Variants in CAMKMT observed in about 807,000 individuals in gnomAD.
CAMKMT encodes CaM KMT.
CAMKMT carries 53 observed loss-of-function variants against 48.0 expected under a neutral mutation model. The ratio of observed to expected loss-of-function variants is 1.10; its 90% CI spans 0.89 to 1.39. CAMKMT has a LOEUF of 1.39. Among genes scored for constraint, CAMKMT ranks in the 40% most tolerant of loss-of-function variants. The pLI is 0.00. For synonymous variants in CAMKMT, 165 were observed against 152.3 expected, an observed-to-expected ratio of 1.08 and a Z score of -0.61; for missense variants, 428 against 402.7, an observed-to-expected ratio of 1.06 and a Z score of -0.54.
intron 3 of CAMKMT, among the ~76,000 whole-genome samples, chr2:44,625,829 G>C (rs1183081278): frequency 6.6e-6 from 1 of 152,018 alleles, no homozygotes; most frequent in Non-Finnish European, 1.5e-5. Flanking sequence ...TAAATGTCCA[G>C]ATCTCTTACT....
At chr2:44,608,713 T>G (rs571095707) in intron 3 of CAMKMT, among the ~76,000 whole-genome samples, 1 of 152,304 alleles carries the variant, frequency 6.6e-6, no homozygotes, top group Non-Finnish European at 1.5e-5. Flanking sequence ...TCCACTGTAT[T>G]TGGCTGATAT....
chr2:44,715,596 T>G (rs1678134935), intron 7 of CAMKMT, among the ~76,000 whole-genome samples: 1 of 152,028 alleles, frequency 6.6e-6, no homozygotes, highest in Admixed American at 6.6e-5. Flanking sequence ...AAACACTGGG[T>G]TGGGGATGAT....
intron 1 of CAMKMT, among the ~76,000 whole-genome samples, chr2:44,370,783 A>T (rs1460954913): frequency 6.6e-6 from 1 of 151,954 alleles, no homozygotes; most frequent in Admixed American, 6.6e-5. Context: ...ATGTATTTCT[A>T]TTGTCATTCA....
intron 1 of CAMKMT, among the ~76,000 whole-genome samples, chr2:44,363,968 G>A (rs1282843730): frequency 6.7e-6 from 1 of 150,188 alleles, no homozygotes; most frequent in East Asian, 2.0e-4. Context: ...GGGATTACAG[G>A]TATCAGCCAC....
At chr2:44,457,401 C>CT (rs200637467) in intron 3 of CAMKMT, 3,874 of 141,378 alleles carry the variant, frequency 0.027, 129 homozygotes, top group African/African-American at 0.069. Context: ...TTCTTTCTCT[C>CT]TTTTTTTTTT....
At chr2:44,616,478 G>A (rs1380315787) in intron 3 of CAMKMT, among the ~76,000 whole-genome samples, 2 of 151,892 alleles carry the variant, frequency 1.3e-5, no homozygotes, top group African/African-American at 2.4e-5. Flanking sequence ...TGATTTAGAT[G>A]ACTTAAAAGC....
At position 44,763,298 on chromosome 2, in the gene CAMKMT, C is replaced by G. The variant is rs534525348; in HGVS notation, c.763-3132C>G. Among the ~76,000 whole-genome samples the G allele has an allele frequency of 5.8e-4, 89 of 152,316 alleles. 1 individual carries two copies. The highest frequency in any genetic ancestry group is 1.0e-3 in the Non-Finnish European group (70 of 68,036). Reference sequence around the variant, plus strand: ...TCTTTCTCGTGGGTACAGTGTTGTGCACAGAATGCTGCTCTCTAAAACCCC... The same window carrying G: ...TCTTTCTCGTGGGTACAGTGTTGTGGACAGAATGCTGCTCTCTAAAACCCC... On this transcript the variant is annotated intron_variant, in intron 9 of 10. Coordinates refer to ENST00000378494, the MANE Select transcript of CAMKMT (RefSeq NM_024766.5).
chr2:44,646,733 C>T (rs1334253834), intron 3 of CAMKMT, among the ~76,000 whole-genome samples: 2 of 152,106 alleles, frequency 1.3e-5, no homozygotes, highest in African/African-American at 4.8e-5. Context: ...ATTCAAATTG[C>T]TTCAAAGAAA....
chr2:44,530,541 C>G (rs979545884), intron 3 of CAMKMT, among the ~76,000 whole-genome samples: 4 of 152,094 alleles, frequency 2.6e-5, no homozygotes, highest in Admixed American at 1.3e-4. Flanking sequence ...GTGAATGATC[C>G]TAACAGCACT....
chr2:44,391,423 T>C (rs1223877446), intron 3 of CAMKMT, among the ~76,000 whole-genome samples: 1 of 152,182 alleles, frequency 6.6e-6, no homozygotes, highest in Non-Finnish European at 1.5e-5. Context: ...CCTTTTAGTT[T>C]TTCCATGTTG....
chr2:44,769,229 T>C (rs1490453216), intron 10 of CAMKMT, among the ~76,000 whole-genome samples: 1 of 152,144 alleles, frequency 6.6e-6, no homozygotes, highest in East Asian at 1.9e-4. Flanking sequence ...TTTTCACCTC[T>C]CATTGTTAAC....
At chr2:44,400,982 GTTAAC>G (rs1431647950) in intron 3 of CAMKMT, 1 of 140,408 alleles carries the variant, frequency 7.1e-6, no homozygotes, top group Admixed American at 7.3e-5. Flanking sequence ...AAAATACATA[GTTAAC>G]TTGTTCTTCA....
intron 3 of CAMKMT, chr2:44,631,447 G>A (rs3106840): frequency 0.2 from 117,703 of 577,820 alleles, 12,665 homozygotes; most frequent in African/African-American, 0.23. Context: ...AAATCAAAGA[G>A]TTTAAATAAG....
At chr2:44,474,459 A>T (rs770475157) in intron 3 of CAMKMT, among the ~76,000 whole-genome samples, 1 of 151,980 alleles carries the variant, frequency 6.6e-6, no homozygotes, top group South Asian at 2.1e-4. Context: ...AAAAAAAAAA[A>T]AAAAGAAAAA....
At chr2:44,431,084 G>A (rs1684621035) in intron 3 of CAMKMT, among the ~76,000 whole-genome samples, 1 of 152,148 alleles carries the variant, frequency 6.6e-6, no homozygotes, top group Non-Finnish European at 1.5e-5. Flanking sequence ...CAGGATAAAA[G>A]TGAGAATAAT....
chr2:44,389,381 A>C (rs1180271793), intron 2 of CAMKMT, among the ~76,000 whole-genome samples: 2 of 152,200 alleles, frequency 1.3e-5, no homozygotes, highest in East Asian at 3.9e-4. Flanking sequence ...TGGGAGGCAC[A>C]CTTCAGTCCG....
At chr2:44,460,502 A>G (rs1470935048) in intron 3 of CAMKMT, among the ~76,000 whole-genome samples, 1 of 152,134 alleles carries the variant, frequency 6.6e-6, no homozygotes, top group Admixed American at 6.5e-5. Context: ...TTGCAAACTT[A>G]TCAAAAACAG....
chr2:44,620,943 A>T (rs1469786692), intron 3 of CAMKMT, among the ~76,000 whole-genome samples: 5 of 152,206 alleles, frequency 3.3e-5, no homozygotes, highest in Non-Finnish European at 7.3e-5. Flanking sequence ...CTAAGAAAAT[A>T]AAGTGACAAT....
chr2:44,521,302 CAG>C (rs1216831059), intron 3 of CAMKMT, among the ~76,000 whole-genome samples: 1 of 151,912 alleles, frequency 6.6e-6, no homozygotes, highest in Non-Finnish European at 1.5e-5. Flanking sequence ...TTTTAATAGA[CAG>C]AGTCTTGCTC....
Sources: gnomAD v4.1 joint callset for allele counts (sites outside exome capture counted in the v4.1 genomes callset) on GRCh38, gnomAD v4.1.1 for gene constraint, MANE v1.5 for transcripts, NCBI Gene and HGNC (gene_info 2026-07-23, HGNC 2026-07-21) for gene names.